Variants in ITGB5 observed in about 807,000 individuals in gnomAD.
ITGB5 encodes integrin subunit beta 5.
ITGB5 carries 38 observed loss-of-function variants against 84.8 expected under a neutral mutation model. That is an observed-to-expected ratio of 0.45 (90% CI 0.35 to 0.59). The LOEUF (loss-of-function observed/expected upper bound fraction) is 0.59, where lower values mean the gene tolerates loss of function less well. Ranked by LOEUF, ITGB5 falls within the 20% of genes least tolerant of loss-of-function variation. ITGB5 has a pLI of 0.01. For missense variants in ITGB5, 905 were observed against 1,034.5 expected, an observed-to-expected ratio of 0.87 and a Z score of 1.72; for synonymous variants, 393 against 414.4, an observed-to-expected ratio of 0.95 and a Z score of 0.63.
intron 6 of ITGB5, among the ~76,000 whole-genome samples, chr3:124,820,769 A>G (rs935593515): frequency 5.9e-5 from 9 of 152,136 alleles, no homozygotes; most frequent in African/African-American, 2.2e-4. Flanking sequence ...TATCTTTGAA[A>G]TTTTGCACAA....
intron 3 of ITGB5, among the ~76,000 whole-genome samples, chr3:124,856,337 A>C (rs1381312656): frequency 6.6e-6 from 1 of 152,222 alleles, no homozygotes; most frequent in Non-Finnish European, 1.5e-5. Flanking sequence ...TGTGTGATGC[A>C]ACTCTTGTCT....
intron 3 of ITGB5, chr3:124,857,219 A>G (rs2065232426): frequency 6.6e-6 from 1 of 152,280 alleles, no homozygotes; most frequent in African/African-American, 2.4e-5. Flanking sequence ...AACGAGCTTT[A>G]CTGAGTGCTT....
At chr3:124,791,444 A>T (rs1414990605) in intron 10 of ITGB5, 1 of 152,210 alleles carries the variant, frequency 6.6e-6, no homozygotes, top group African/African-American at 2.4e-5. Context: ...TGGATAACAT[A>T]TTGCAAACCT....
chr3:124,871,947 G>T (rs2107637767), intron 2 of ITGB5, among the ~76,000 whole-genome samples: 1 of 152,270 alleles, frequency 6.6e-6, no homozygotes, highest in South Asian at 2.1e-4. Context: ...AGATCAGGCA[G>T]GGTTTCTCAA....
chr3:124,768,304 C>A (rs755771083), intron 12 of ITGB5, among the ~76,000 whole-genome samples: 3 of 152,180 alleles, frequency 2.0e-5, no homozygotes, highest in Non-Finnish European at 2.9e-5. Context: ...TTAAAGTGTA[C>A]AATCAGTCGT....
chr3:124,874,306 GA>G (rs59287818), intron 1 of ITGB5, among the ~76,000 whole-genome samples: 56,230 of 112,382 alleles, frequency 0.5, 12,866 homozygotes, highest in East Asian at 0.75. Flanking sequence ...TCAAAAGCCG[GA>G]AAAAAAAAAA....
At chr3:124,889,108 G>C (rs61759459), upstream of ITGB5, among the ~76,000 whole-genome samples, 1 of 152,168 alleles carries the variant, frequency 6.6e-6, no homozygotes, top group African/African-American at 2.4e-5. Context: ...TAGCTAAGAA[G>C]CTACATACCT....
At chr3:124,793,679 T>C (rs2064181229) in intron 10 of ITGB5, among the ~76,000 whole-genome samples, 1 of 152,262 alleles carries the variant, frequency 6.6e-6, no homozygotes, top group Non-Finnish European at 1.5e-5. Flanking sequence ...TGATGGGACT[T>C]AGGCCCAGGC....
At chr3:124,830,308 C>T (rs549969461) in intron 5 of ITGB5, among the ~76,000 whole-genome samples, 13 of 152,164 alleles carry the variant, frequency 8.5e-5, no homozygotes, top group African/African-American at 3.1e-4. Context: ...TGACTTTCAC[C>T]CATATGGTAA....
chr3:124,770,258 T>G (rs1235801501), intron 11 of ITGB5: 1 of 152,356 alleles, frequency 6.6e-6, no homozygotes, highest in Non-Finnish European at 1.5e-5. Flanking sequence ...CAGTGCTGCC[T>G]GGTGGCCTTC....
At chr3:124,893,069 A>G (rs1935034112) in intron 1 of ITGB5, among the ~76,000 whole-genome samples, 1 of 152,162 alleles carries the variant, frequency 6.6e-6, no homozygotes, top group Non-Finnish European at 1.5e-5. Context: ...GTAGAGATTG[A>G]TAGGCCTATG....
At chr3:124,853,050 C>T (rs1030816160) in intron 3 of ITGB5, among the ~76,000 whole-genome samples, 1 of 151,798 alleles carries the variant, frequency 6.6e-6, no homozygotes, top group African/African-American at 2.4e-5. Flanking sequence ...GGTTTCCTGC[C>T]TTTGAGTCAA....
At chr3:124,843,773 T>C (rs910093515) in intron 4 of ITGB5, among the ~76,000 whole-genome samples, 1 of 152,278 alleles carries the variant, frequency 6.6e-6, no homozygotes, top group African/African-American at 2.4e-5. Flanking sequence ...GAGACTATCC[T>C]ACCCCTCTCA....
chr3:124,824,833 G>A (rs2064759884), intron 5 of ITGB5, among the ~76,000 whole-genome samples: 2 of 152,282 alleles, frequency 1.3e-5, no homozygotes, highest in South Asian at 2.1e-4. Flanking sequence ...GAACCACAGC[G>A]AGATAGCCAT....
At chr3:124,819,612 C>T in intron 7 of ITGB5, 127 bp downstream of exon 7, 1 of 706,452 alleles carries the variant, frequency 1.4e-6, no homozygotes, top group Non-Finnish European at 2.6e-6. Context: ...CTATTATTTT[C>T]CATTAGATCA....
intron 1 of ITGB5, among the ~76,000 whole-genome samples, chr3:124,876,873 T>A (rs969448459): frequency 6.6e-5 from 10 of 152,226 alleles, no homozygotes; most frequent in African/African-American, 2.4e-4. Flanking sequence ...ACTGGGAAGC[T>A]GGACCTGCCT....
intron 7 of ITGB5, among the ~76,000 whole-genome samples, 199 bp downstream of exon 7, chr3:124,819,540 T>A (rs957007541): frequency 8.5e-5 from 13 of 152,248 alleles, no homozygotes; most frequent in Admixed American, 2.0e-4. Flanking sequence ...TCAAATTAGA[T>A]ACTATATGTT....
upstream of ITGB5, among the ~76,000 whole-genome samples, chr3:124,892,417 G>A (rs1048457486): frequency 8.0e-5 from 12 of 150,844 alleles, no homozygotes; most frequent in African/African-American, 1.2e-4. Context: ...AGGTGTGGTC[G>A]CTCACACCTA....
intron 8 of ITGB5, among the ~76,000 whole-genome samples, chr3:124,812,557 C>T (rs2107542891): frequency 6.6e-6 from 1 of 152,214 alleles, no homozygotes; most frequent in East Asian, 2.0e-4. Flanking sequence ...TTTCTGGGTG[C>T]AACATGAGGC....
Sources: gnomAD v4.1 joint callset for allele counts (sites outside exome capture counted in the v4.1 genomes callset) on GRCh38, gnomAD v4.1.1 for gene constraint, MANE v1.5 for transcripts, NCBI Gene and HGNC (gene_info 2026-07-23, HGNC 2026-07-21) for gene names.